RAMP1: variants seen among roughly 807,000 people sequenced by gnomAD.
RAMP1 encodes receptor activity-modifying protein 1.
Under a neutral mutation model 8.2 loss-of-function variants are expected in RAMP1, and 7 were observed. The ratio of observed to expected loss-of-function variants is 0.85; its 90% CI spans 0.49 to 1.60. RAMP1 has a LOEUF of 1.60. Among genes scored for constraint, RAMP1 ranks in the 40% most tolerant of loss-of-function variants. The pLI is 0.00. For missense variants in RAMP1, 192 were observed against 202.4 expected, an observed-to-expected ratio of 0.95 and a Z score of 0.31; for synonymous variants, 92 against 84.7, an observed-to-expected ratio of 1.09 and a Z score of -0.47.
Position 237,877,277 on chromosome 2 carries a change from C to T in RAMP1, c.106C>T (p.Leu36Phe), listed in dbSNP as rs771395188. Residue 36 changes from leucine to phenylalanine, a missense_variant, in exon 2 of 3, where the codon CTC becomes TTC. Transcript: ENST00000254661. This position sits in a 1 kb window ranked among gnomAD's most constrained non-coding sequence, Gnocchi z 4.4. ...CCAGGAGGCTAACTACGGTGCCCTCCTCCGGGAGCTCTGCCTCACCCAGTT... is the reference window on the plus strand; with the variant it reads ...CCAGGAGGCTAACTACGGTGCCCTCTTCCGGGAGCTCTGCCTCACCCAGTT... ...ACQEANYGAL[L>F]RELCLTQFQV... The T allele has an allele frequency of 5.6e-6, 9 of 1,614,094 alleles. No individual in the cohort carries two copies. Among genetic ancestry groups the T allele is most frequent in the Non-Finnish European group, 7.6e-6 (9 of 1,180,028 alleles).
chr2:237,908,190 T>C (rs531232956), intron 2 of RAMP1, among the ~76,000 whole-genome samples: 1 of 152,352 alleles, frequency 6.6e-6, no homozygotes, highest in South Asian at 2.1e-4. Flanking sequence ...GCATGGATCT[T>C]ACCCCACTTT....
chr2:237,876,895 C>T (rs1186200129), intron 1 of RAMP1, among the ~76,000 whole-genome samples: 2 of 152,180 alleles, frequency 1.3e-5, no homozygotes, highest in Non-Finnish European at 2.9e-5. Flanking sequence ...ACCCGTGGAA[C>T]AGGGGCAGCC....
At position 237,878,308 on chromosome 2, in the gene RAMP1, G is replaced by A. The variant is rs895581439; in HGVS notation, c.191+946G>A. Among the ~76,000 whole-genome samples the A allele has an allele frequency of 2.0e-5, 3 of 152,228 alleles. No homozygotes were observed. The highest frequency in any genetic ancestry group is 2.9e-5 in the Non-Finnish European group (2 of 68,026). ...GGGGAGGGCCAGGGGCAGGGAGGAGGGCCTCGGGAGGGTCTTCACGGAGGA... is the reference window on the plus strand; with the variant it reads ...GGGGAGGGCCAGGGGCAGGGAGGAGAGCCTCGGGAGGGTCTTCACGGAGGA... On this transcript the variant is annotated intron_variant, in intron 2 of 2. Transcript: ENST00000254661. This position sits in a 1 kb window ranked among gnomAD's most constrained non-coding sequence, Gnocchi z 5.7.
intron 1 of RAMP1, among the ~76,000 whole-genome samples, chr2:237,863,935 G>C (rs2062156823): frequency 6.6e-6 from 1 of 152,028 alleles, no homozygotes; most frequent in Non-Finnish European, 1.5e-5. Context: ...CCCTCACGGG[G>C]ACAACTGCCC....
intron 1 of RAMP1, among the ~76,000 whole-genome samples, chr2:237,866,715 T>C (rs772817707): frequency 1.3e-5 from 2 of 151,430 alleles, no homozygotes; most frequent in African/African-American, 4.9e-5. Context: ...TACATGTATG[T>C]ATACTGTATT....
intron 2 of RAMP1, among the ~76,000 whole-genome samples, chr2:237,893,974 T>C (rs1438538898): frequency 2.8e-5 from 4 of 143,426 alleles, no homozygotes; most frequent in African/African-American, 1.0e-4. Flanking sequence ...TACTTTCTTT[T>C]TTTTTTTTTT....
Position 237,870,383 on chromosome 2 carries a change from G to A in RAMP1, c.53-6841G>A, listed in dbSNP as rs763729356. On this transcript the variant is annotated intron_variant, in intron 1 of 2. Transcript: ENST00000254661. ...GGACTCTCCAGGCCTCCGTGGGGGC[G>A]GTAGCAGGGCCTGGCCCATGCGGCG... Among the ~76,000 whole-genome samples the A allele has an allele frequency of 6.6e-5, 10 of 152,360 alleles. No homozygotes were observed. In the East Asian group the frequency reaches 1.7e-3, roughly 26 times the overall value.
At chr2:237,860,465 A>ATGGCCACAGGAAC (rs1303153772) in intron 1 of RAMP1, among the ~76,000 whole-genome samples, 35 of 152,342 alleles carry the variant, frequency 2.3e-4, no homozygotes, top group African/African-American at 8.2e-4. Context: ...CGGCAGCCTC[A>ATGGCCACAGGAAC]TGGCCACAGG....
At chr2:237,910,286 CCA>C (rs927969806) in intron 2 of RAMP1, among the ~76,000 whole-genome samples, 38 of 141,128 alleles carry the variant, frequency 2.7e-4, no homozygotes, top group Admixed American at 9.1e-4. Context: ...AGTCACACAC[CCA>C]CAGACAATAA....
At chr2:237,889,426 C>G (rs1020016404) in intron 2 of RAMP1, among the ~76,000 whole-genome samples, 4 of 152,162 alleles carry the variant, frequency 2.6e-5, no homozygotes, top group Non-Finnish European at 5.9e-5. Context: ...TAAATAATGT[C>G]GCCAACCTCC....
intron 2 of RAMP1, among the ~76,000 whole-genome samples, chr2:237,898,476 G>T (rs2062565149): frequency 6.6e-6 from 1 of 152,186 alleles, no homozygotes; most frequent in South Asian, 2.1e-4. Context: ...GGGGATGGGA[G>T]CAGCCACTCA....
At chr2:237,893,193 CTGT>C (rs1300002325) in intron 2 of RAMP1, among the ~76,000 whole-genome samples, 1 of 152,198 alleles carries the variant, frequency 6.6e-6, no homozygotes, top group Non-Finnish European at 1.5e-5. Context: ...GTTCCTGTAG[CTGT>C]TGTTCCATTG....
Position 237,912,080 on chromosome 2 carries a change from T to C in RAMP1, c.*297T>C, listed in dbSNP as rs1050859921. 10 of 433,060 alleles carry C rather than the reference T, an allele frequency of 2.3e-5. No homozygotes were observed. The highest frequency in any genetic ancestry group is 4.2e-5 in the Non-Finnish European group (10 of 240,304). The allele number at this position is 433,060 out of a possible 1,614,324, so 26.8% of individuals were successfully genotyped here. A position where few individuals can be genotyped will look rare whatever the true frequency, so the allele number is the denominator to read the frequency against. ...CATAGCCACATTTGTGGATGAGTGG[T>C]TTGTGATTAAAAGGGATGTTCTTGA... is the stretch of plus-strand genomic sequence containing the variant. On this transcript the variant is annotated 3_prime_UTR_variant, in exon 3 of 3. Coordinates refer to ENST00000254661, the MANE Select transcript of RAMP1 (RefSeq NM_005855.4).
At chr2:237,879,946 C>T (rs1330692435) in intron 2 of RAMP1, among the ~76,000 whole-genome samples, 2 of 145,122 alleles carry the variant, frequency 1.4e-5, no homozygotes, top group Non-Finnish European at 3.0e-5. Flanking sequence ...GCCGAGATGG[C>T]GCCACTGCAC....
intron 2 of RAMP1, among the ~76,000 whole-genome samples, chr2:237,894,844 C>T (rs377103092): frequency 3.9e-5 from 6 of 152,162 alleles, no homozygotes; most frequent in African/African-American, 1.4e-4. Context: ...CAAAGGGACA[C>T]GTGTTCATAG....
At chr2:237,900,801 G>C (rs1456922971) in intron 2 of RAMP1, among the ~76,000 whole-genome samples, 1 of 151,738 alleles carries the variant, frequency 6.6e-6, no homozygotes, top group Non-Finnish European at 1.5e-5. Flanking sequence ...TTAGTTTTCA[G>C]TATTGTAGCC....
chr2:237,900,959 T>C (rs1035322589), intron 2 of RAMP1, among the ~76,000 whole-genome samples: 2 of 152,246 alleles, frequency 1.3e-5, no homozygotes, highest in African/African-American at 4.8e-5. Context: ...TTTATTAACA[T>C]TATTTTTCAT....
chr2:237,910,009 G>A (rs529074815), intron 2 of RAMP1, among the ~76,000 whole-genome samples: 58 of 152,190 alleles, frequency 3.8e-4, no homozygotes, highest in Admixed American at 8.5e-4. Flanking sequence ...CCCCTGGCTC[G>A]GCACGGCCAC....
intron 1 of RAMP1, among the ~76,000 whole-genome samples, chr2:237,876,051 G>A (rs1420177645): frequency 2.0e-5 from 3 of 152,144 alleles, no homozygotes; most frequent in Non-Finnish European, 2.9e-5. Flanking sequence ...GTAAATTGCT[G>A]ATCGCAGTCA....
Sources: allele counts gnomAD v4.1 joint callset (sites outside exome capture counted in the v4.1 genomes callset), GRCh38; gene constraint gnomAD v4.1.1; non-coding constraint Gnocchi (gnomAD v3.1); transcripts MANE v1.5; gene names NCBI Gene and HGNC (gene_info 2026-07-23, HGNC 2026-07-21).